LRRTM4: variants seen among roughly 807,000 people sequenced by gnomAD.
LRRTM4 encodes the protein leucine rich repeat transmembrane neuronal 4, also known as leucine-rich repeat transmembrane neuronal protein 4.
A neutral mutation model predicts 47.6 loss-of-function variants in LRRTM4; 25 were observed. The ratio of observed to expected loss-of-function variants is 0.53; its 90% CI spans 0.38 to 0.73. LRRTM4 has a LOEUF of 0.73. Ranked by LOEUF, LRRTM4 falls within the 30% of genes least tolerant of loss-of-function variation. The probability of loss-of-function intolerance (pLI) is 0.00; values close to 1 mark genes in which losing one functional copy is unlikely to be tolerated. For missense variants in LRRTM4, 638 were observed against 713.4 expected, an observed-to-expected ratio of 0.89 and a Z score of 1.20; for synonymous variants, 311 against 269.5, an observed-to-expected ratio of 1.15 and a Z score of -1.51.
At chr2:77,184,396 AC>A (rs1673441356) in intron 3 of LRRTM4, among the ~76,000 whole-genome samples, 2 of 152,256 alleles carry the variant, frequency 1.3e-5, no homozygotes, top group South Asian at 4.1e-4. Context: ...CTTACCTCCT[AC>A]AAAAATACCC....
chr2:76,804,842 A>C (rs985227474), intron 3 of LRRTM4, among the ~76,000 whole-genome samples: 2 of 151,142 alleles, frequency 1.3e-5, no homozygotes, highest in Non-Finnish European at 2.9e-5. Context: ...CAAACTGCTC[A>C]AAGTTTGATT....
chr2:76,979,195 C>T (rs1366765443), intron 3 of LRRTM4, among the ~76,000 whole-genome samples: 1 of 151,810 alleles, frequency 6.6e-6, no homozygotes, highest in Non-Finnish European at 1.5e-5. Context: ...TTGGGGACTC[C>T]CAGAAGTGCT....
chr2:76,968,050 A>T (rs1284686692), intron 3 of LRRTM4, among the ~76,000 whole-genome samples: 3 of 151,470 alleles, frequency 2.0e-5, no homozygotes, highest in African/African-American at 7.3e-5. Context: ...GATTAAAGGT[A>T]TAAGTAAGCA....
chr2:77,362,136 A>AGAAG (rs1558707313), intron 3 of LRRTM4, among the ~76,000 whole-genome samples: 2 of 129,158 alleles, frequency 1.5e-5, no homozygotes, highest in Non-Finnish European at 3.5e-5. Flanking sequence ...AAAGAAAGAA[A>AGAAG]GAAAGAAAGA....
intron 3 of LRRTM4, among the ~76,000 whole-genome samples, chr2:77,156,875 C>A (rs554383608): frequency 1.3e-5 from 2 of 151,892 alleles, no homozygotes; most frequent in East Asian, 3.9e-4. Context: ...CCTGGCTCAA[C>A]TTCTTACTAA....
At chr2:76,869,311 GA>G (rs113988123) in intron 3 of LRRTM4, among the ~76,000 whole-genome samples, 91 of 145,124 alleles carry the variant, frequency 6.3e-4, no homozygotes, top group South Asian at 3.7e-3. Context: ...TCATCTCAAA[GA>G]AAAAAAAAAA....
intron 3 of LRRTM4, among the ~76,000 whole-genome samples, chr2:76,999,737 CT>C (rs1297268842): frequency 6.6e-6 from 1 of 152,094 alleles, no homozygotes; most frequent in Non-Finnish European, 1.5e-5. Context: ...TCAATTTTGT[CT>C]TTCACGGCAC....
chr2:77,039,999 G>A lies in LRRTM4; in HGVS notation c.1552-291083C>T, dbSNP rs534508411. On this transcript the variant is annotated intron_variant, in intron 3 of 3. Coordinates refer to ENST00000409884, the MANE Select transcript of LRRTM4 (RefSeq NM_001134745.3). ...ACTGTCTTTATAATCAAAAGTATGA[G>A]GATGTATTTGTTACATATTGGCTAA... Among the ~76,000 whole-genome samples, 9 of 151,030 alleles carry A rather than the reference G, an allele frequency of 6.0e-5. No individual in the cohort carries two copies. The East Asian group carries it at 1.8e-3, about 29-fold the overall frequency.
intron 3 of LRRTM4, among the ~76,000 whole-genome samples, chr2:77,083,813 T>G (rs1195691710): frequency 1.7e-4 from 21 of 124,040 alleles, no homozygotes; most frequent in East Asian, 9.0e-4. Context: ...TTTTTTTTTT[T>G]TTTTTTTTTC....
intron 3 of LRRTM4, among the ~76,000 whole-genome samples, chr2:77,131,129 C>T (rs1213812142): frequency 2.0e-5 from 3 of 152,078 alleles, no homozygotes; most frequent in East Asian, 1.9e-4. Context: ...CCACCGCGCC[C>T]GGCCTGGTTC....
At chr2:77,072,332 TACTTATAA>T (rs1285750086) in intron 3 of LRRTM4, among the ~76,000 whole-genome samples, 6 of 152,190 alleles carry the variant, frequency 3.9e-5, no homozygotes, top group South Asian at 2.1e-4. Context: ...CATGTCAGCA[TACTTATAA>T]ACTTATACAT....
intron 3 of LRRTM4, among the ~76,000 whole-genome samples, chr2:77,276,100 T>G (rs1676342100): frequency 6.6e-6 from 1 of 152,042 alleles, no homozygotes; most frequent in Admixed American, 6.6e-5. Context: ...ATATTCAATC[T>G]ATCTTCAACT....
intron 3 of LRRTM4, among the ~76,000 whole-genome samples, chr2:77,438,021 T>C (rs1022277593): frequency 6.6e-6 from 1 of 152,192 alleles, no homozygotes. Context: ...AAATGGCATC[T>C]TGTACTAAAT....
At chr2:77,277,189 C>A (rs1283299533) in intron 3 of LRRTM4, among the ~76,000 whole-genome samples, 2 of 151,932 alleles carry the variant, frequency 1.3e-5, no homozygotes, top group East Asian at 1.9e-4. Flanking sequence ...CAGTTACATG[C>A]AAAACCAATT....
At chr2:77,076,965 C>T (rs961276359) in intron 3 of LRRTM4, among the ~76,000 whole-genome samples, 2 of 152,092 alleles carry the variant, frequency 1.3e-5, no homozygotes, top group Non-Finnish European at 2.9e-5. Context: ...TAAACAATAA[C>T]ATCAACAACA....
At chr2:77,435,222 A>G (rs1675542586) in intron 3 of LRRTM4, among the ~76,000 whole-genome samples, 1 of 152,092 alleles carries the variant, frequency 6.6e-6, no homozygotes. Flanking sequence ...TGAGTGGCCA[A>G]AGGACCTCTT....
At chr2:76,828,408 C>G (rs1671245075) in intron 3 of LRRTM4, among the ~76,000 whole-genome samples, 1 of 151,930 alleles carries the variant, frequency 6.6e-6, no homozygotes, top group South Asian at 2.1e-4. Context: ...ATGCACATTT[C>G]AAAGAGACTC....
chr2:76,973,222 TATG>T (rs1367473251), intron 3 of LRRTM4, among the ~76,000 whole-genome samples: 1 of 152,038 alleles, frequency 6.6e-6, no homozygotes, highest in Non-Finnish European at 1.5e-5. Context: ...ATATGACTTC[TATG>T]ATATCTATCT....
chr2:76,977,526 T>C lies in LRRTM4; in HGVS notation c.1552-228610A>G, dbSNP rs144000228. On this transcript the variant is annotated intron_variant, in intron 3 of 3. Coordinates refer to ENST00000409884, the MANE Select transcript of LRRTM4 (RefSeq NM_001134745.3). ...AGTAAGCATTAACCCACTGCAGTCA[T>C]TCACACTTGAACCAGAAGCCTGTGA... 7.3e-3 allele frequency among the ~76,000 whole-genome samples: 1,112 copies of C among 152,028 alleles called. 30 individuals carry two copies. Among genetic ancestry groups the C allele is most frequent in the South Asian group, 0.068 (328 of 4,828 alleles).
Sources: allele counts gnomAD v4.1 joint callset (sites outside exome capture counted in the v4.1 genomes callset), GRCh38; gene constraint gnomAD v4.1.1; transcripts MANE v1.5; gene names NCBI Gene and HGNC (gene_info 2026-07-23, HGNC 2026-07-21).